Variants in UBE2H observed in about 807,000 individuals in gnomAD.
UBE2H encodes ubiquitin-conjugating enzyme E2 H.
UBE2H carries 3 observed loss-of-function variants against 29.0 expected under a neutral mutation model. The ratio of observed to expected loss-of-function variants is 0.10; its 90% CI spans 0.05 to 0.27. The LOEUF is 0.27. Ranked by LOEUF, UBE2H falls within the 10% of genes least tolerant of loss-of-function variation. The pLI, the probability that UBE2H is intolerant of heterozygous loss-of-function variation, is 1.00. For missense variants in UBE2H, 68 were observed against 228.2 expected (o/e 0.30, Z 4.52); for synonymous variants, 69 against 82.9 (o/e 0.83, Z 0.91).
chr7:129,894,671 T>C (rs1806565746), intron 1 of UBE2H, among the ~76,000 whole-genome samples: 1 of 151,990 alleles, frequency 6.6e-6, no homozygotes. Context: ...GTATTTTTAG[T>C]AGAGATGGGG....
At chr7:129,915,396 T>C (rs1807024083) in intron 1 of UBE2H, among the ~76,000 whole-genome samples, 1 of 152,008 alleles carries the variant, frequency 6.6e-6, no homozygotes, top group African/African-American at 2.4e-5. Context: ...TAGCCGGGTG[T>C]GGTGGCGGGC....
chr7:129,915,799 T>C (rs1441953516), intron 1 of UBE2H, among the ~76,000 whole-genome samples: 2 of 152,082 alleles, frequency 1.3e-5, no homozygotes, highest in African/African-American at 2.4e-5. Flanking sequence ...ACTCCTACCA[T>C]CCCCAGCATG....
intron 1 of UBE2H, among the ~76,000 whole-genome samples, chr7:129,919,163 T>C (rs1425267698): frequency 7.1e-6 from 1 of 141,130 alleles, no homozygotes; most frequent in Non-Finnish European, 1.5e-5. Context: ...AAATGTGTCA[T>C]ATGCTAGGAA....
chr7:129,855,184 CTG>C (rs765895277), intron 5 of UBE2H, among the ~76,000 whole-genome samples: 3 of 152,152 alleles, frequency 2.0e-5, no homozygotes, highest in Non-Finnish European at 4.4e-5. Context: ...TTCAGTGAAA[CTG>C]TTATTTTTTT....
chr7:129,939,742 G>A (rs1034751640), intron 1 of UBE2H, among the ~76,000 whole-genome samples: 1 of 152,028 alleles, frequency 6.6e-6, no homozygotes, highest in African/African-American at 2.4e-5. Flanking sequence ...GGTGGATCAC[G>A]AGGTCAGGAG....
At chr7:129,913,689 A>T (rs116479463) in intron 1 of UBE2H, among the ~76,000 whole-genome samples, 1,708 of 152,228 alleles carry the variant, frequency 0.011, 31 homozygotes, top group African/African-American at 0.039. Context: ...CTGTAGTCCC[A>T]GTTACTCCAG....
At chr7:129,904,063 T>C (rs183160111) in intron 1 of UBE2H, among the ~76,000 whole-genome samples, 1 of 152,344 alleles carries the variant, frequency 6.6e-6, no homozygotes, top group African/African-American at 2.4e-5. Flanking sequence ...TATCGACAGC[T>C]GTCTAATTTC....
chr7:129,924,320 C>T (rs1807221502), intron 1 of UBE2H, among the ~76,000 whole-genome samples: 1 of 152,176 alleles, frequency 6.6e-6, no homozygotes, highest in Non-Finnish European at 1.5e-5. Flanking sequence ...AAGACTGAGA[C>T]TTTTCCTAGT....
intron 1 of UBE2H, among the ~76,000 whole-genome samples, chr7:129,922,377 T>G (rs1184127598): frequency 6.6e-6 from 1 of 151,792 alleles, no homozygotes; most frequent in Non-Finnish European, 1.5e-5. Context: ...CCTCTGCCTC[T>G]TGGGCTCAAG....
chr7:129,898,118 T>C (rs1007689296), intron 1 of UBE2H, among the ~76,000 whole-genome samples: 1 of 151,942 alleles, frequency 6.6e-6, no homozygotes, highest in Non-Finnish European at 1.5e-5. Flanking sequence ...CACACCAATA[T>C]GAGTAAATAA....
At chr7:129,922,414 T>G (rs979023963) in intron 1 of UBE2H, among the ~76,000 whole-genome samples, 2 of 151,906 alleles carry the variant, frequency 1.3e-5, no homozygotes, top group Admixed American at 1.3e-4. Context: ...ACCTTCTGAG[T>G]AGCTGGGATT....
intron 1 of UBE2H, among the ~76,000 whole-genome samples, chr7:129,943,213 G>A (rs2116522038): frequency 1.3e-5 from 2 of 152,206 alleles, no homozygotes; most frequent in Middle Eastern, 3.4e-3. Context: ...CTGTCACCCA[G>A]GCTGGACTGC....
chr7:129,906,651 G>A (rs1806823963), intron 1 of UBE2H, among the ~76,000 whole-genome samples: 1 of 151,944 alleles, frequency 6.6e-6, no homozygotes, highest in Non-Finnish European at 1.5e-5. Context: ...GAAAATTCAA[G>A]TTTTAAAAAG....
chr7:129,835,145 G>A (rs563205900), intron 6 of UBE2H, 84 bp from the exon 7 acceptor site: 21 of 1,592,600 alleles, frequency 1.3e-5, no homozygotes, highest in Admixed American at 5.1e-5. Flanking sequence ...GCAAGGCTGC[G>A]GAGGTTCAAA....
chr7:129,839,364 T>C, intron 5 of UBE2H, 29 bp from the exon 6 acceptor site: 1 of 1,610,326 alleles, frequency 6.2e-7, no homozygotes, highest in Non-Finnish European at 8.5e-7. Flanking sequence ...ATGTCACACA[T>C]GGGAAATGCA....
At chr7:129,931,310 C>A (rs1807390451) in intron 1 of UBE2H, among the ~76,000 whole-genome samples, 1 of 151,178 alleles carries the variant, frequency 6.6e-6, no homozygotes, top group African/African-American at 2.4e-5. Flanking sequence ...ATTGCCTGAA[C>A]CCAGGAGGCG....
At chr7:129,848,854 G>GTTTTTTTTTTTT (rs1805559124) in intron 5 of UBE2H, among the ~76,000 whole-genome samples, 1 of 93,044 alleles carries the variant, frequency 1.1e-5, no homozygotes. Context: ...TTTTTTTTTG[G>GTTTTTTTTTTTT]TAAGGCCTGA....
chr7:129,922,730 T>C (rs1026515965), intron 1 of UBE2H, among the ~76,000 whole-genome samples: 12 of 152,190 alleles, frequency 7.9e-5, no homozygotes, highest in Non-Finnish European at 1.6e-4. Flanking sequence ...GATATTTATT[T>C]ATACTATTCT....
chr7:129,872,599 T>A (rs1563029334), intron 3 of UBE2H, among the ~76,000 whole-genome samples: 3 of 151,970 alleles, frequency 2.0e-5, no homozygotes, highest in Non-Finnish European at 4.4e-5. Context: ...CTCAGCACTG[T>A]GGGAGGCCAA....
Sources: allele counts gnomAD v4.1 joint callset (sites outside exome capture counted in the v4.1 genomes callset), GRCh38; gene constraint gnomAD v4.1.1; transcripts MANE v1.5; gene names NCBI Gene and HGNC (gene_info 2026-07-23, HGNC 2026-07-21).